SPINT2: variants seen among roughly 807,000 people sequenced by gnomAD.
SPINT2 encodes serine peptidase inhibitor, Kunitz type 2, also known as kunitz-type protease inhibitor 2.
Under a neutral mutation model 30.1 loss-of-function variants are expected in SPINT2, and 18 were observed. The ratio of observed to expected loss-of-function variants is 0.60; its 90% CI spans 0.41 to 0.89. The LOEUF (loss-of-function observed/expected upper bound fraction) is 0.89. Among genes scored for constraint, SPINT2 ranks in the 40% least tolerant of loss-of-function variants. The pLI, the probability that SPINT2 is intolerant of heterozygous loss-of-function variation, is 0.00. For synonymous variants in SPINT2, 139 were observed against 137.9 expected, an observed-to-expected ratio of 1.01 and a Z score of -0.05; for missense variants, 276 against 334.3, an observed-to-expected ratio of 0.83 and a Z score of 1.36.
chr19:38,279,226 C>T (rs1014124526), intron 1 of SPINT2, among the ~76,000 whole-genome samples: 3 of 150,812 alleles, frequency 2.0e-5, no homozygotes, highest in African/African-American at 7.3e-5. Context: ...TGGCCAGGTG[C>T]GGTGGCTCGT....
chr19:38,266,360 G>A (rs1968378365), intron 1 of SPINT2, among the ~76,000 whole-genome samples: 2 of 150,776 alleles, frequency 1.3e-5, no homozygotes, highest in African/African-American at 4.9e-5. Context: ...TGGGCAACAA[G>A]AGTGAAACTC....
At chr19:38,269,965 A>G (rs149806298) in intron 1 of SPINT2, among the ~76,000 whole-genome samples, 1,834 of 135,080 alleles carry the variant, frequency 0.014, 9 homozygotes, top group Non-Finnish European at 0.022. Context: ...ACCTCAGGTG[A>G]TCTGCCCACC....
At chr19:38,267,487 G>A (rs1968393368) in intron 1 of SPINT2, among the ~76,000 whole-genome samples, 1 of 152,242 alleles carries the variant, frequency 6.6e-6, no homozygotes, top group Non-Finnish European at 1.5e-5. Flanking sequence ...GGGGCGGAGG[G>A]CCGAGGTAGA....
intron 1 of SPINT2, among the ~76,000 whole-genome samples, chr19:38,274,223 C>T (rs1028825732): frequency 1.0e-4 from 14 of 135,970 alleles, no homozygotes; most frequent in Non-Finnish European, 2.2e-4. Context: ...AAGTCCCTGT[C>T]TCAAAAAAAA....
chr19:38,272,783 G>T (rs1026313540), intron 1 of SPINT2, among the ~76,000 whole-genome samples: 1 of 152,094 alleles, frequency 6.6e-6, no homozygotes, highest in African/African-American at 2.4e-5. Context: ...GCAGTGGTGC[G>T]ATCTCGGCTC....
chr19:38,284,156 G>T (rs1402006305), intron 2 of SPINT2, among the ~76,000 whole-genome samples: 1 of 151,252 alleles, frequency 6.6e-6, no homozygotes, highest in East Asian at 1.9e-4. Context: ...TTTTTTTTTA[G>T]ACAGGGTCTC....
In SPINT2 at chr19:38,283,661, C is replaced by T. The variant is rs190085217; in HGVS notation, c.141C>T (p.Cys47=). Residue 47 remains cysteine, a synonymous_variant, in exon 2 of 7, where the codon TGC becomes TGT. Coordinates refer to ENST00000301244, the MANE Select transcript of SPINT2 (RefSeq NM_021102.4). The part of the protein sequence containing the change: ...FCLVSKVVGR[C]RASMPRWWYN... Reference sequence around the variant, plus strand: ...TGGTGTCGAAGGTGGTGGGCAGATGCCGGGCCTCCATGCCTAGGTGGTGGT... The same window carrying T: ...TGGTGTCGAAGGTGGTGGGCAGATGTCGGGCCTCCATGCCTAGGTGGTGGT... 7.4e-6 allele frequency: 12 copies of T among 1,614,028 alleles called. No homozygotes were observed. The highest frequency in any genetic ancestry group is 1.7e-4 in the Middle Eastern group (1 of 6,060).
In SPINT2 at chr19:38,269,763, C is replaced by G. The variant is rs796211895; in HGVS notation, c.106+4765C>G. On this transcript the variant is annotated intron_variant, in intron 1 of 6. Coordinates refer to ENST00000301244, the MANE Select transcript of SPINT2 (RefSeq NM_021102.4). ...GTACTGGGACTACAGGCACCTGCCG[C>G]CACGCCCGGCTAATTTTTTGTATTT... Among the ~76,000 whole-genome samples, 4 of 152,076 alleles carry G rather than the reference C, an allele frequency of 2.6e-5. No homozygotes were observed. In the South Asian group the frequency reaches 6.2e-4, roughly 24 times the overall value.
At chr19:38,280,126 C>T (rs1348510049) in intron 1 of SPINT2, among the ~76,000 whole-genome samples, 2 of 152,124 alleles carry the variant, frequency 1.3e-5, no homozygotes, top group Non-Finnish European at 2.9e-5. Context: ...TTCCCAGGCT[C>T]GCAAGACTTG....
rs955275885 is a variant in SPINT2 at position 38,289,966 on chromosome 19, C to G, written c.392-153C>G. On this transcript the variant is annotated intron_variant, in intron 4 of 6. Transcript: ENST00000301244. ...CCCAAGGAGCAGCGCGTCAGAGCCG[C>G]TGCACTGGTCTTGGGTGTAATTTAC... 10 of 840,708 alleles carry G rather than the reference C, an allele frequency of 1.2e-5. No homozygotes were observed. In the African/African-American group the frequency reaches 1.5e-4, roughly 13 times the overall value. The allele number at this position is 840,708 out of a possible 1,614,324, so 52.1% of individuals were successfully genotyped here.
chr19:38,287,835 C>T (rs778004094), intron 2 of SPINT2, 41 bp from the exon 3 acceptor site: 12 of 1,612,022 alleles, frequency 7.4e-6, no homozygotes, highest in South Asian at 1.1e-5. Context: ...GGCAGTCTCT[C>T]GAAAGCTCTT....
chr19:38,287,846 T>C (rs775527813), intron 2 of SPINT2, 30 bp from the exon 3 acceptor site: 5 of 1,613,944 alleles, frequency 3.1e-6, no homozygotes, highest in Non-Finnish European at 3.4e-6. Context: ...GAAAGCTCTT[T>C]CACTGTGCTG....
chr19:38,271,212 C>T (rs1968451034), intron 1 of SPINT2, among the ~76,000 whole-genome samples: 1 of 152,144 alleles, frequency 6.6e-6, no homozygotes. Flanking sequence ...GAGGGCGAGG[C>T]CGGGCGCGGT....
intron 1 of SPINT2, among the ~76,000 whole-genome samples, chr19:38,279,230 G>A (rs962453778): frequency 1.3e-5 from 2 of 151,482 alleles, no homozygotes; most frequent in African/African-American, 4.9e-5. Context: ...CAGGTGCGGT[G>A]GCTCGTGCCT....
chr19:38,279,793 A>G (rs1968560102), intron 1 of SPINT2, among the ~76,000 whole-genome samples: 1 of 152,182 alleles, frequency 6.6e-6, no homozygotes, highest in African/African-American at 2.4e-5. Context: ...AGCTGGGACT[A>G]CAGGTGCCCA....
At chr19:38,285,469 C>T (rs974721016) in intron 2 of SPINT2, among the ~76,000 whole-genome samples, 3 of 152,202 alleles carry the variant, frequency 2.0e-5, no homozygotes, top group Non-Finnish European at 4.4e-5. Flanking sequence ...CTCAGCCTCT[C>T]AAGTAGCTGG....
At chr19:38,289,096 G>A (rs751934177) in intron 3 of SPINT2, 42 bp from the exon 4 acceptor site, 7 of 1,603,402 alleles carry the variant, frequency 4.4e-6, no homozygotes, top group Non-Finnish European at 6.0e-6. Flanking sequence ...CCTGTGTCCT[G>A]TGTCCGGCCC....
intron 1 of SPINT2, among the ~76,000 whole-genome samples, chr19:38,273,702 G>C (rs557225865): frequency 6.6e-6 from 1 of 152,166 alleles, no homozygotes; most frequent in Non-Finnish European, 1.5e-5. Flanking sequence ...ACTTTGACCC[G>C]TGTGGTGGTT....
chr19:38,289,056 TG>T, intron 3 of SPINT2, 81 bp from the exon 4 acceptor site: 1 of 1,281,292 alleles, frequency 7.8e-7, no homozygotes, highest in Non-Finnish European at 1.1e-6. Flanking sequence ...CACTCCTCAG[TG>T]GGCCCTTCCA....
Sources: allele counts gnomAD v4.1 joint callset (sites outside exome capture counted in the v4.1 genomes callset), GRCh38; gene constraint gnomAD v4.1.1; transcripts MANE v1.5; gene names NCBI Gene and HGNC (gene_info 2026-07-23, HGNC 2026-07-21).